Variants in TTLL5 observed in about 807,000 individuals in gnomAD.
TTLL5 encodes tubulin polyglutamylase TTLL5.
In TTLL5, 132 loss-of-function variants were observed where a neutral mutation model predicts 168.4. That is an observed-to-expected ratio of 0.78 (90% CI 0.68 to 0.91). The LOEUF (loss-of-function observed/expected upper bound fraction) is 0.91, where lower values mean the gene tolerates loss of function less well. Ranked by LOEUF, TTLL5 falls within the 40% of genes least tolerant of loss-of-function variation. The pLI is 0.00. For missense variants in TTLL5, 1,545 were observed against 1,581.5 expected (o/e 0.98, Z 0.39); for synonymous variants, 546 against 558.6 (o/e 0.98, Z 0.32).
At chr14:75,805,175 ATCT>A (rs1278787284) in intron 27 of TTLL5, among the ~76,000 whole-genome samples, 2 of 152,120 alleles carry the variant, frequency 1.3e-5, no homozygotes, top group Admixed American at 6.5e-5. Flanking sequence ...ACTATTTTTA[ATCT>A]TCTTCCTTTA....
intron 30 of TTLL5, among the ~76,000 whole-genome samples, chr14:75,891,622 G>A (rs1398400084): frequency 6.6e-6 from 1 of 152,178 alleles, no homozygotes; most frequent in Non-Finnish European, 1.5e-5. Flanking sequence ...TGATGGTGGA[G>A]ATGGAAGTGG....
intron 30 of TTLL5, among the ~76,000 whole-genome samples, chr14:75,899,915 C>G (rs1358446619): frequency 2.0e-5 from 3 of 149,268 alleles, no homozygotes; most frequent in African/African-American, 7.4e-5. Context: ...ACTACTGACC[C>G]AAAGATTTTG....
chr14:75,930,013 G>T (rs1374884100), intron 31 of TTLL5, among the ~76,000 whole-genome samples: 1 of 152,136 alleles, frequency 6.6e-6, no homozygotes, highest in African/African-American at 2.4e-5. Context: ...CTGAACGTAA[G>T]CACCAAAGCA....
rs570006983 is a variant in TTLL5 at position 75,939,690 on chromosome 14, G to T, written c.3824-14734G>T. ...AGGCATGAGCCACCATGCCCAGCTG[G>T]ACCATTTACTTCTCACCTTCTTTAG... On this transcript the variant is annotated intron_variant, in intron 31 of 31. Transcript: ENST00000298832. 5.3e-5 allele frequency among the ~76,000 whole-genome samples: 8 copies of T among 152,054 alleles called. No individual in the cohort carries two copies. The East Asian group carries it at 9.7e-4, about 18-fold the overall frequency.
intron 13 of TTLL5, among the ~76,000 whole-genome samples, chr14:75,733,454 ATT>A (rs1185856238): frequency 7.0e-6 from 1 of 143,442 alleles, no homozygotes; most frequent in Non-Finnish European, 1.5e-5. Flanking sequence ...TATAACTTGT[ATT>A]TTTTTTTTTC....
chr14:75,891,324 A>G (rs1204768477), intron 30 of TTLL5, among the ~76,000 whole-genome samples: 1 of 151,990 alleles, frequency 6.6e-6, no homozygotes, highest in Non-Finnish European at 1.5e-5. Flanking sequence ...TCACCTCCTC[A>G]TCTGACTCTG....
chr14:75,796,982 T>C (rs1893031311), intron 27 of TTLL5, among the ~76,000 whole-genome samples: 1 of 151,880 alleles, frequency 6.6e-6, no homozygotes, highest in Admixed American at 6.6e-5. Context: ...GGTATTAAAT[T>C]GCACTGAATT....
At chr14:75,944,008 G>GTCTT (rs1480515812) in intron 31 of TTLL5, among the ~76,000 whole-genome samples, 1 of 152,194 alleles carries the variant, frequency 6.6e-6, no homozygotes, top group Non-Finnish European at 1.5e-5. Flanking sequence ...CTGGGCACTT[G>GTCTT]TCTTTCGAGT....
At position 75,954,559 on chromosome 14, in the gene TTLL5, A is replaced by G; in HGVS notation, c.*113A>G. ...TAGTATTTTTTTTTTTGCTGCCTCA[A>G]AGTCCCCAAAGCCTTCGAGCAGAAG... On this transcript the variant is annotated 3_prime_UTR_variant, in exon 32 of 32. Transcript: ENST00000298832. 8.3e-7 allele frequency: 1 copy of G among 1,200,240 alleles called. No homozygotes were observed. The highest frequency in any genetic ancestry group is 1.2e-6 in the Non-Finnish European group (1 of 825,584). The allele number at this position is 1,200,240 out of a possible 1,614,324, so 74.3% of individuals were successfully genotyped here.
At chr14:75,690,436 C>T (rs1404791964) in intron 6 of TTLL5, 114 bp downstream of exon 6, 1 of 1,306,814 alleles carries the variant, frequency 7.7e-7, no homozygotes, top group Non-Finnish European at 1.0e-6. Context: ...CCTTAGACAA[C>T]TGTGACTCTT....
At chr14:75,860,235 C>G (rs1372369347) in intron 28 of TTLL5, among the ~76,000 whole-genome samples, 1 of 152,152 alleles carries the variant, frequency 6.6e-6, no homozygotes, top group African/African-American at 2.4e-5. Flanking sequence ...CCACAGACCC[C>G]CACCTCATAT....
chr14:75,731,413 A>ACACACACG (rs1888535231), intron 12 of TTLL5, among the ~76,000 whole-genome samples: 1 of 144,438 alleles, frequency 6.9e-6, no homozygotes, highest in African/African-American at 2.6e-5. Context: ...ACACACACAC[A>ACACACACG]CACACACACA....
chr14:75,949,617 A>G (rs1333678661), intron 31 of TTLL5, among the ~76,000 whole-genome samples: 1 of 151,818 alleles, frequency 6.6e-6, no homozygotes, highest in Non-Finnish European at 1.5e-5. Context: ...TTGGGAGACC[A>G]AGGGGGATTG....
chr14:75,753,039 A>AT, intron 18 of TTLL5, 84 bp downstream of exon 18: 1 of 1,318,490 alleles, frequency 7.6e-7, no homozygotes, highest in Non-Finnish European at 1.1e-6. Flanking sequence ...CAGACCTTAT[A>AT]AAAGTCTTTA....
chr14:75,709,497 G>C (rs1249759542), intron 9 of TTLL5: 4 of 319,990 alleles, frequency 1.3e-5, no homozygotes, highest in Non-Finnish European at 2.4e-5. Context: ...AAACTCCCTA[G>C]TTCTGGCCTC....
intron 5 of TTLL5, among the ~76,000 whole-genome samples, chr14:75,685,416 T>A (rs546103982): frequency 4.4e-4 from 67 of 152,114 alleles, no homozygotes; most frequent in African/African-American, 1.6e-3. Flanking sequence ...TGATTTTGTC[T>A]TAATGTAATA....
chr14:75,883,575 AT>A (rs1050080373), intron 30 of TTLL5, among the ~76,000 whole-genome samples: 1 of 152,194 alleles, frequency 6.6e-6, no homozygotes, highest in African/African-American at 2.4e-5. Flanking sequence ...CTTCTCATTC[AT>A]TTGTCCTTCG....
At position 75,933,284 on chromosome 14, in the gene TTLL5, A is replaced by G. The variant is rs571496002; in HGVS notation, c.3824-21140A>G. 5.9e-5 allele frequency among the ~76,000 whole-genome samples: 9 copies of G among 152,214 alleles called. No homozygotes were observed. The Middle Eastern group carries it at 0.017, about 288-fold the overall frequency. ...CCAGCCTGGACAAGAGTGAGACCTC[A>G]TCTCTACAAAAAAAAATTAAAAAAT... On this transcript the variant is annotated intron_variant, in intron 31 of 31. Transcript: ENST00000298832.
chr14:75,759,259 ACTTTGAC>A lies in TTLL5; in HGVS notation c.1551-5355_1551-5349del, dbSNP rs1271517056. On this transcript the variant is annotated intron_variant, in intron 18 of 31. Coordinates refer to ENST00000298832, the MANE Select transcript of TTLL5 (RefSeq NM_015072.5). ...ATATTATTAGCAACTTTATTCCATT[ACTTTGAC>A]AGCTTAGTTGAAATGACAATTCTTT... Among the ~76,000 whole-genome samples the A allele has an allele frequency of 8.5e-5, 13 of 152,298 alleles. No individual in the cohort carries two copies. In the East Asian group the frequency reaches 2.5e-3, roughly 29 times the overall value.
Sources: gnomAD v4.1 joint callset for allele counts (sites outside exome capture counted in the v4.1 genomes callset) on GRCh38, gnomAD v4.1.1 for gene constraint, MANE v1.5 for transcripts, NCBI Gene and HGNC (gene_info 2026-07-23, HGNC 2026-07-21) for gene names.